SLC9A9: variants seen among roughly 807,000 people sequenced by gnomAD.
SLC9A9 encodes sodium/hydrogen exchanger 9.
SLC9A9 carries 62 observed loss-of-function variants against 77.8 expected under a neutral mutation model. The ratio of observed to expected loss-of-function variants is 0.80; its 90% CI spans 0.65 to 0.98. SLC9A9 has a LOEUF of 0.98. Among genes scored for constraint, SLC9A9 ranks in the 50% least tolerant of loss-of-function variants. The pLI, the probability that SLC9A9 is intolerant of heterozygous loss-of-function variation, is 0.00. For missense variants in SLC9A9, 775 were observed against 774.9 expected, an observed-to-expected ratio of 1.00 and a Z score of 0.00; for synonymous variants, 320 against 283.5, an observed-to-expected ratio of 1.13 and a Z score of -1.29.
At position 143,641,708 on chromosome 3, in the gene SLC9A9, T is replaced by C. The variant is rs1237981563; in HGVS notation, c.755+10547A>G. Among the ~76,000 whole-genome samples, 3 of 152,314 alleles carry C rather than the reference T, an allele frequency of 2.0e-5. No individual in the cohort carries two copies. The East Asian group carries it at 5.8e-4, about 29-fold the overall frequency. ...GTGCCCGGCCTGTTGTCGCAGTCTTTTGCATCATTTTGAGAAGCATTCTGG... is the reference window on the plus strand; with the variant it reads ...GTGCCCGGCCTGTTGTCGCAGTCTTCTGCATCATTTTGAGAAGCATTCTGG... On this transcript the variant is annotated intron_variant, in intron 6 of 15. Coordinates refer to ENST00000316549, the MANE Select transcript of SLC9A9 (RefSeq NM_173653.4).
At chr3:143,607,600 G>A (rs2037949368) in intron 6 of SLC9A9, among the ~76,000 whole-genome samples, 2 of 151,974 alleles carry the variant, frequency 1.3e-5, no homozygotes, top group South Asian at 4.2e-4. Context: ...TGTTAATTAT[G>A]TAGGCTAAAA....
chr3:143,360,907 G>A (rs1021936351), intron 14 of SLC9A9, among the ~76,000 whole-genome samples: 9 of 152,188 alleles, frequency 5.9e-5, no homozygotes, highest in African/African-American at 1.9e-4. Flanking sequence ...TAATATCTGC[G>A]ATTGACACTA....
intron 11 of SLC9A9, among the ~76,000 whole-genome samples, chr3:143,471,679 C>T (rs1576519987): frequency 6.6e-6 from 1 of 152,098 alleles, no homozygotes; most frequent in East Asian, 1.9e-4. Context: ...TTTTGGCCAA[C>T]TAATCAAAAT....
At chr3:143,686,759 A>G (rs1449439424) in intron 5 of SLC9A9, among the ~76,000 whole-genome samples, 5 of 152,174 alleles carry the variant, frequency 3.3e-5, no homozygotes, top group Non-Finnish European at 5.9e-5. Context: ...ACAAGAGGAG[A>G]GTATGAGGCT....
At chr3:143,620,973 G>A (rs1032460680) in intron 6 of SLC9A9, among the ~76,000 whole-genome samples, 13 of 152,164 alleles carry the variant, frequency 8.5e-5, no homozygotes, top group Non-Finnish European at 1.8e-4. Context: ...ATTATATCCC[G>A]CGCCTGGCTC....
chr3:143,638,985 C>G (rs1560007303), intron 6 of SLC9A9, among the ~76,000 whole-genome samples: 1 of 152,186 alleles, frequency 6.6e-6, no homozygotes, highest in Non-Finnish European at 1.5e-5. Context: ...CCCTTGTTCT[C>G]TGGAAAGTTT....
At chr3:143,668,387 G>A (rs554741343) in intron 5 of SLC9A9, among the ~76,000 whole-genome samples, 6 of 151,196 alleles carry the variant, frequency 4.0e-5, no homozygotes, top group Admixed American at 2.0e-4. Flanking sequence ...TGTAAATGAC[G>A]AGTTAATGGG....
chr3:143,283,068 C>A (rs1578260339), intron 14 of SLC9A9, among the ~76,000 whole-genome samples: 1 of 152,226 alleles, frequency 6.6e-6, no homozygotes, highest in East Asian at 1.9e-4. Context: ...AGGGGCAAGT[C>A]TCTTTCCTCT....
At chr3:143,711,680 C>T (rs1462202228) in intron 4 of SLC9A9, among the ~76,000 whole-genome samples, 1 of 151,812 alleles carries the variant, frequency 6.6e-6, no homozygotes, top group Non-Finnish European at 1.5e-5. Flanking sequence ...GCCTCCTGGC[C>T]TCCCAAAGTG....
chr3:143,414,001 G>A (rs1437677702), intron 12 of SLC9A9, among the ~76,000 whole-genome samples: 1 of 152,246 alleles, frequency 6.6e-6, no homozygotes, highest in African/African-American at 2.4e-5. Flanking sequence ...CTGGCCCAGG[G>A]CTAGACACAT....
chr3:143,436,371 A>G lies in SLC9A9; in HGVS notation c.1469+30666T>C, dbSNP rs543814232. ...TATGAGAGCACTTAGTATTAGCACT[A>G]GGAGGCCCTGTTGCTCATCACTGCT... On this transcript the variant is annotated intron_variant, in intron 12 of 15. Transcript: ENST00000316549. 7.2e-5 allele frequency among the ~76,000 whole-genome samples: 11 copies of G among 152,330 alleles called. No homozygotes were observed. The South Asian group carries it at 2.3e-3, about 32-fold the overall frequency.
intron 4 of SLC9A9, among the ~76,000 whole-genome samples, chr3:143,725,071 A>G (rs548523200): frequency 6.6e-6 from 1 of 152,208 alleles, no homozygotes; most frequent in African/African-American, 2.4e-5. Context: ...AGACTTGAGT[A>G]TATCACTATT....
At chr3:143,761,128 TG>T (rs1409586915) in intron 4 of SLC9A9, among the ~76,000 whole-genome samples, 1 of 152,206 alleles carries the variant, frequency 6.6e-6, no homozygotes, top group East Asian at 1.9e-4. Flanking sequence ...CTGGGAAAAC[TG>T]GCTAGCCATA....
chr3:143,417,359 T>C (rs1281946460), intron 12 of SLC9A9, among the ~76,000 whole-genome samples: 2 of 151,886 alleles, frequency 1.3e-5, no homozygotes, highest in Non-Finnish European at 2.9e-5. Context: ...CATGCCTGTA[T>C]TTTGGGATAG....
intron 3 of SLC9A9, among the ~76,000 whole-genome samples, chr3:143,795,559 T>A (rs371264099): frequency 6.6e-6 from 1 of 152,200 alleles, no homozygotes; most frequent in Non-Finnish European, 1.5e-5. Flanking sequence ...CTGAATGTGA[T>A]GAAAATAAAC....
At chr3:143,297,945 G>C (rs898046483) in intron 14 of SLC9A9, among the ~76,000 whole-genome samples, 1 of 152,164 alleles carries the variant, frequency 6.6e-6, no homozygotes, top group Non-Finnish European at 1.5e-5. Flanking sequence ...AATGGTAACC[G>C]TTGGGTTGGA....
chr3:143,467,821 C>T (rs2035311187), intron 11 of SLC9A9, among the ~76,000 whole-genome samples: 1 of 151,954 alleles, frequency 6.6e-6, no homozygotes, highest in Non-Finnish European at 1.5e-5. Context: ...CACCTACTTC[C>T]CTCCCACATA....
At chr3:143,815,821 G>A (rs111544112) in intron 2 of SLC9A9, among the ~76,000 whole-genome samples, 6 of 152,124 alleles carry the variant, frequency 3.9e-5, no homozygotes, top group East Asian at 1.9e-4. Context: ...AGCCGGGATC[G>A]TGCCACTGCA....
chr3:143,276,102 A>C (rs964077514), intron 14 of SLC9A9, among the ~76,000 whole-genome samples: 1 of 152,124 alleles, frequency 6.6e-6, no homozygotes, highest in Non-Finnish European at 1.5e-5. Flanking sequence ...GTTTCTCCTC[A>C]GTATAGGGCC....
Sources: allele counts gnomAD v4.1 joint callset (sites outside exome capture counted in the v4.1 genomes callset), GRCh38; gene constraint gnomAD v4.1.1; transcripts MANE v1.5; gene names NCBI Gene and HGNC (gene_info 2026-07-23, HGNC 2026-07-21).